NGF: variants seen among roughly 807,000 people sequenced by gnomAD.
NGF encodes beta-nerve growth factor.
Under a neutral mutation model 12.8 loss-of-function variants are expected in NGF, and 4 were observed. The ratio of observed to expected loss-of-function variants is 0.31; its 90% CI spans 0.15 to 0.72. NGF has a LOEUF of 0.72. NGF is among the 30% of genes least tolerant of loss of function. NGF has a pLI of 0.69. For missense variants in NGF, 283 were observed against 330.8 expected, an observed-to-expected ratio of 0.86 and a Z score of 1.12; for synonymous variants, 140 against 130.0, an observed-to-expected ratio of 1.08 and a Z score of -0.52.
Position 115,289,303 on chromosome 1 carries a change from T to G in NGF, c.-12-2496A>C, listed in dbSNP as rs1395813708. On this transcript the variant is annotated intron_variant, in intron 2 of 2. Coordinates refer to ENST00000369512, the MANE Select transcript of NGF (RefSeq NM_002506.3). ...AGAAAGAAAACTGAAATTCATTCCC[T>G]TATATCCAAATTAGTAACACTTGCT... Among the ~76,000 whole-genome samples, 4 of 152,338 alleles carry G rather than the reference T, an allele frequency of 2.6e-5. No individual in the cohort carries two copies. The East Asian group carries it at 7.7e-4, about 29-fold the overall frequency.
intron 1 of NGF, among the ~76,000 whole-genome samples, chr1:115,294,412 C>G (rs1407453964): frequency 6.6e-6 from 1 of 152,216 alleles, no homozygotes; most frequent in African/African-American, 2.4e-5. Flanking sequence ...CCTCTCACTT[C>G]TATAATGTAA....
chr1:115,307,337 G>A (rs929067747), intron 1 of NGF, among the ~76,000 whole-genome samples: 4 of 152,276 alleles, frequency 2.6e-5, no homozygotes, highest in Admixed American at 2.0e-4. Flanking sequence ...GAGGGGAGTG[G>A]AGAAAGCAAC....
At position 115,296,905 on chromosome 1, in the gene NGF, G is replaced by A. The variant is rs183213381; in HGVS notation, c.-136-3155C>T. On this transcript the variant is annotated intron_variant, in intron 1 of 2. Transcript: ENST00000369512. The stretch of plus-strand genomic sequence containing the variant: ...TTAAAACCCTGTCTGTTTTCATAGG[G>A]TAATCACTTAAACAGAAATCAGCTC... 2.5e-3 allele frequency among the ~76,000 whole-genome samples: 375 copies of A among 152,298 alleles called. 1 individual carries two copies. Among genetic ancestry groups the A allele is most frequent in the African/African-American group, 8.7e-3 (363 of 41,560 alleles).
chr1:115,332,901 T>TTTGA (rs1286724192), intron 1 of NGF, among the ~76,000 whole-genome samples: 1 of 151,858 alleles, frequency 6.6e-6, no homozygotes, highest in East Asian at 1.9e-4. Flanking sequence ...ACAATGGGGG[T>TTTGA]TCAATACATA....
intron 1 of NGF, among the ~76,000 whole-genome samples, chr1:115,327,209 G>A (rs74114053): frequency 0.013 from 2,020 of 152,330 alleles, 37 homozygotes; most frequent in African/African-American, 0.044. Flanking sequence ...ATGACTGGAA[G>A]ATGAACATTT....
chr1:115,296,401 A>G (rs1476009061), intron 1 of NGF, among the ~76,000 whole-genome samples: 1 of 148,702 alleles, frequency 6.7e-6, no homozygotes, highest in Non-Finnish European at 1.5e-5. Context: ...ATATTCCACT[A>G]CAAGCTAGGA....
At chr1:115,335,916 C>T (rs79018345) in intron 1 of NGF, among the ~76,000 whole-genome samples, 3,718 of 152,242 alleles carry the variant, frequency 0.024, 139 homozygotes, top group African/African-American at 0.085. Context: ...TGATTTTTTT[C>T]ATCAGTTTAT....
At chr1:115,324,339 T>C (rs1654711241) in intron 1 of NGF, among the ~76,000 whole-genome samples, 1 of 152,156 alleles carries the variant, frequency 6.6e-6, no homozygotes. Flanking sequence ...CCAGGCTACA[T>C]GAAAGGTTTG....
Position 115,286,563 on chromosome 1 carries a change from T to G in NGF, c.233A>C (p.Lys78Thr). The stretch of plus-strand genomic sequence containing the variant: ...ACGGGGTGAACGGAGTCGCCGCTTT[T>G]TAAACAGCCTGGGGTCCACAGTAAT... ...RNITVDPRLF[K>T]KRRLRSPRVL... Residue 78 changes from lysine to threonine, a missense_variant, in exon 3 of 3, where the codon AAA becomes ACA. Around this residue, in one of 2 missense-constraint regions of NGF, gnomAD observed 151 missense variants for 141.6 expected, o/e 1.07. Transcript: ENST00000369512. 6.2e-7 allele frequency: 1 copy of G among 1,614,156 alleles called. No homozygotes were observed. The highest frequency in any genetic ancestry group is 2.2e-5 in the East Asian group (1 of 44,854).
At chr1:115,308,997 C>A (rs541900672) in intron 1 of NGF, among the ~76,000 whole-genome samples, 25 of 152,202 alleles carry the variant, frequency 1.6e-4, no homozygotes, top group Non-Finnish European at 2.9e-4. Flanking sequence ...GAATGCAGCC[C>A]CTGTATGTGA....
intron 2 of NGF, among the ~76,000 whole-genome samples, chr1:115,288,952 T>C (rs1213993464): frequency 1.3e-5 from 2 of 152,230 alleles, no homozygotes; most frequent in East Asian, 3.8e-4. Flanking sequence ...ATACTGTGCT[T>C]TTATTCAGCT....
intron 1 of NGF, among the ~76,000 whole-genome samples, chr1:115,331,615 T>G (rs1183270587): frequency 6.6e-6 from 1 of 152,220 alleles, no homozygotes; most frequent in Non-Finnish European, 1.5e-5. Context: ...AAGTTTTGGC[T>G]TTTCTTGAAA....
At chr1:115,335,842 G>A (rs1655096179) in intron 1 of NGF, among the ~76,000 whole-genome samples, 1 of 152,188 alleles carries the variant, frequency 6.6e-6, no homozygotes, top group African/African-American at 2.4e-5. Flanking sequence ...GCAGGGTACT[G>A]CAGTAAAGCA....
intron 1 of NGF, among the ~76,000 whole-genome samples, chr1:115,337,267 GTTTT>G (rs67307707): frequency 0.082 from 6,641 of 81,060 alleles, 709 homozygotes; most frequent in Middle Eastern, 0.16. Flanking sequence ...TTTTGTTTTT[GTTTT>G]TTTTTTTTTT....
Position 115,333,230 on chromosome 1 carries a change from A to G in NGF, c.-137+4974T>C, listed in dbSNP as rs1004164674. Reference sequence around the variant, plus strand: ...CCAAAGGAAATGGGAAAATCAGCCCATCTGTACTGACAACAAATACTTCGT... The same window carrying G: ...CCAAAGGAAATGGGAAAATCAGCCCGTCTGTACTGACAACAAATACTTCGT... On this transcript the variant is annotated intron_variant, in intron 1 of 2. Coordinates refer to ENST00000369512, the MANE Select transcript of NGF (RefSeq NM_002506.3). Among the ~76,000 whole-genome samples the G allele has an allele frequency of 3.9e-5, 6 of 152,184 alleles. No homozygotes were observed. The East Asian group carries it at 1.2e-3, about 29-fold the overall frequency.
At chr1:115,332,477 A>T (rs1654948385) in intron 1 of NGF, among the ~76,000 whole-genome samples, 1 of 151,804 alleles carries the variant, frequency 6.6e-6, no homozygotes, top group African/African-American at 2.4e-5. Context: ...GCACAGATAC[A>T]TTAAAAACAT....
chr1:115,307,647 A>G (rs1231792868), intron 1 of NGF, among the ~76,000 whole-genome samples: 1 of 152,242 alleles, frequency 6.6e-6, no homozygotes, highest in Non-Finnish European at 1.5e-5. Flanking sequence ...ATTTCACTGA[A>G]CTGGCTTCTG....
intron 1 of NGF, among the ~76,000 whole-genome samples, chr1:115,308,473 TC>T (rs1317213952): frequency 6.6e-6 from 1 of 152,176 alleles, no homozygotes; most frequent in Non-Finnish European, 1.5e-5. Flanking sequence ...AGAGCTGCTC[TC>T]CGTCATTACA....
At chr1:115,326,833 C>A (rs1654791290) in intron 1 of NGF, among the ~76,000 whole-genome samples, 1 of 152,194 alleles carries the variant, frequency 6.6e-6, no homozygotes, top group Non-Finnish European at 1.5e-5. Flanking sequence ...ATCTTACCTT[C>A]TGTGTCTACA....
Sources: gnomAD v4.1 joint callset for allele counts (sites outside exome capture counted in the v4.1 genomes callset) on GRCh38, gnomAD v4.1.1 for gene constraint, gnomAD v4.1.1 regional missense constraint, MANE v1.5 for transcripts, NCBI Gene and HGNC (gene_info 2026-07-23, HGNC 2026-07-21) for gene names.